LAMA5: variants seen among roughly 807,000 people sequenced by gnomAD.
The protein encoded by LAMA5 is laminin subunit alpha 5, also known as laminin subunit alpha-5.
In LAMA5, 260 loss-of-function variants were observed where a neutral mutation model predicts 433.4. That is an observed-to-expected ratio of 0.60 (90% confidence interval 0.54 to 0.66). The LOEUF (loss-of-function observed/expected upper bound fraction) is 0.66. LAMA5 is among the 30% of genes least tolerant of loss of function. The pLI, the probability that LAMA5 is intolerant of heterozygous loss-of-function variation, is 0.00. For missense variants in LAMA5, 5,378 were observed against 5,258.5 expected, an observed-to-expected ratio of 1.02 and a Z score of -0.70; for synonymous variants, 2,620 against 2,226.6, an observed-to-expected ratio of 1.18 and a Z score of -4.97.
Position 62,311,046 on chromosome 20 carries a change from G to A in LAMA5, c.10137C>T (p.Leu3379=), listed in dbSNP as rs201926192. The A allele has an allele frequency of 1.9e-6, 3 of 1,605,854 alleles. No homozygotes were observed. Among genetic ancestry groups the A allele is most frequent in the South Asian group, 2.2e-5 (2 of 90,596 alleles). The change falls in exon 74 of 80, where the codon CTC becomes CTT. Residue 3379 remains leucine (L), a synonymous_variant. Transcript: ENST00000252999. Reference sequence around the variant, plus strand: ...CGGGCCTCAGACGGGCAGTGAAGAGGAGGAGGCCTCGGGAGCTTCGCGGGA... The same window carrying A: ...CGGGCCTCAGACGGGCAGTGAAGAGAAGGAGGCCTCGGGAGCTTCGCGGGA... ...HVLPRSSRGL[L]LFTARLRPGS...
chr20:62,346,100 C>G lies in LAMA5; in HGVS notation c.1398G>C (p.Thr466=). 5 of 1,613,002 alleles carry G rather than the reference C, an allele frequency of 3.1e-6. No individual in the cohort carries two copies. Among genetic ancestry groups the G allele is most frequent in the Non-Finnish European group, 4.2e-6 (5 of 1,180,000 alleles). ...GCTCACGGTAGCAGCTTGGGAAGCC[C>G]GTGAAGCCCTCGGCACACACGTCAC... ...ERCDVCAEGF[T]GFPSCYPTPS... is the part of the protein sequence containing the mutation. The change falls in exon 10 of 80, where the codon ACG becomes ACC. Residue 466 remains threonine (T), a synonymous_variant. Transcript: ENST00000252999.
Position 62,311,070 on chromosome 20 carries a change from G to A in LAMA5, c.10113C>T (p.Leu3371=). ...RNWPSLSMHV[L]PRSSRGLLLF... is the part of the protein sequence containing the mutation. ...GGAGGAGGCCTCGGGAGCTTCGCGG[G>A]AGGACGTGCATGGAGAGACTGGGCC... The change falls in exon 74 of 80, where the codon CTC becomes CTT. Residue 3371 remains leucine (L), a synonymous_variant. Transcript: ENST00000252999. The A allele has an allele frequency of 1.3e-6, 2 of 1,594,028 alleles. No homozygotes were observed. Among genetic ancestry groups the A allele is most frequent in the Non-Finnish European group, 1.7e-6 (2 of 1,170,192 alleles).
chr20:62,327,262 G>A lies in LAMA5; in HGVS notation c.5083C>T (p.Gln1695Ter). ...VPEAFPELYW[Q>*]APPSYLGDRV... ...TCCCCCAGGTAGGAGGGTGGGGCCTGCCAGTACAGCTCGGGGAAAGCCTCG... is the reference window on the plus strand; with the variant it reads ...TCCCCCAGGTAGGAGGGTGGGGCCTACCAGTACAGCTCGGGGAAAGCCTCG... Residue 1695 changes from glutamine to a stop codon, truncating the protein, a stop_gained, in exon 38 of 80, where the codon CAG becomes TAG. Transcript: ENST00000252999. LOFTEE classifies it high-confidence loss of function. The A allele has an allele frequency of 1.3e-6, 2 of 1,548,534 alleles. No homozygotes were observed. Among genetic ancestry groups the A allele is most frequent in the Non-Finnish European group, 8.7e-7 (1 of 1,147,780 alleles).
intron 31 of LAMA5, 151 bp downstream of exon 31, chr20:62,330,337 G>T: frequency 8.6e-7 from 1 of 1,166,820 alleles, no homozygotes; most frequent in Non-Finnish European, 1.2e-6. Flanking sequence ...TAGGGGCTGC[G>T]GGCTGCAAGG....
chr20:62,339,052 T>C (rs1363402327), intron 11 of LAMA5, among the ~76,000 whole-genome samples: 1 of 132,822 alleles, frequency 7.5e-6, no homozygotes, highest in Admixed American at 7.7e-5. Context: ...AAAAAAAAAA[T>C]TCCAACAAGG....
At chr20:62,358,282 A>G (rs997918449) in intron 2 of LAMA5, among the ~76,000 whole-genome samples, 1 of 152,076 alleles carries the variant, frequency 6.6e-6, no homozygotes, top group Non-Finnish European at 1.5e-5. Flanking sequence ...TTTGCCGTCT[A>G]TCCTGTGCCA....
intron 6 of LAMA5, chr20:62,351,003 G>A (rs1984199764): frequency 6.5e-6 from 1 of 153,384 alleles, no homozygotes; most frequent in Non-Finnish European, 1.5e-5. Context: ...TGAGGACTCT[G>A]GGTGAGGCCC....
Position 62,311,495 on chromosome 20 carries a change from A to T in LAMA5, c.9848T>A (p.Leu3283Gln). Reference sequence around the variant, plus strand: ...GCCCGTGCTCACATTGACGCTGCCCAGGTTCTGCTGCAGATCAAATACGCG... The same window carrying T: ...GCCCGTGCTCACATTGACGCTGCCCTGGTTCTGCTGCAGATCAAATACGCG... ...PQRVFDLQQN[L>Q]GSVNVSTGCA... Residue 3283 changes from leucine (L) to glutamine (Q), a missense_variant, in exon 72 of 80, where the codon CTG becomes CAG. Leu to Gln is a moderately radical substitution (Grantham distance 113). Coordinates refer to ENST00000252999, the MANE Select transcript of LAMA5 (RefSeq NM_005560.6). 1 of 1,611,014 alleles carries T rather than the reference A, an allele frequency of 6.2e-7. No homozygotes were observed. Among genetic ancestry groups the T allele is most frequent in the Non-Finnish European group, 8.5e-7 (1 of 1,179,038 alleles).
chr20:62,313,062 T>G (rs1342609244), intron 65 of LAMA5, 26 bp downstream of exon 65: 2 of 1,605,424 alleles, frequency 1.2e-6, no homozygotes, highest in Admixed American at 3.3e-5. Flanking sequence ...CAAGTGGGGA[T>G]GGCAGGACGG....
At position 62,326,039 on chromosome 20, in the gene LAMA5, G is replaced by A. The variant is rs942605592; in HGVS notation, c.5299-493C>T. 5.3e-5 allele frequency among the ~76,000 whole-genome samples: 8 copies of A among 151,964 alleles called. No individual in the cohort carries two copies. The South Asian group carries it at 6.2e-4, about 12-fold the overall frequency. ...AGTTCGAGACCAGCCTGGCCAACAC[G>A]GCGAAACCCCATCTCTACTGAAAAT... On this transcript the variant is annotated intron_variant, in intron 40 of 79. Coordinates refer to ENST00000252999, the MANE Select transcript of LAMA5 (RefSeq NM_005560.6).
chr20:62,334,110 C>A (rs552574559), intron 22 of LAMA5, 71 bp from the exon 23 acceptor site: 4 of 1,585,082 alleles, frequency 2.5e-6, no homozygotes, highest in East Asian at 4.5e-5. Context: ...CTTCAAGGGG[C>A]CTGCCCACCC....
At position 62,318,442 on chromosome 20, in the gene LAMA5, C is replaced by T. The variant is rs199930758; in HGVS notation, c.7239+12G>A. 4.5e-5 allele frequency: 71 copies of T among 1,575,188 alleles called. No individual in the cohort carries two copies. Among genetic ancestry groups the T allele is most frequent in the Admixed American group, 1.1e-4 (6 of 57,080 alleles). ...AGAGGAGCAGGAGGAAGAACAAGTCCGGGGTCCTCACCAGGGCTTCCTCCA... is the reference window on the plus strand; with the variant it reads ...AGAGGAGCAGGAGGAAGAACAAGTCTGGGGTCCTCACCAGGGCTTCCTCCA... On this transcript the variant is annotated intron_variant, in intron 53 of 79. Transcript: ENST00000252999.
intron 2 of LAMA5, among the ~76,000 whole-genome samples, chr20:62,354,958 G>A (rs551164422): frequency 5.9e-5 from 9 of 152,336 alleles, no homozygotes; most frequent in East Asian, 1.9e-4. Flanking sequence ...GAGGAGGCCC[G>A]GGTGCCGGGG....
Position 62,362,571 on chromosome 20 carries a change from G to A in LAMA5, c.298-19C>T, listed in dbSNP as rs753027146. On this transcript the variant is annotated intron_variant, in intron 1 of 79. Transcript: ENST00000252999. The stretch of plus-strand genomic sequence containing the variant: ...ACTGGCCCTGCAGAGGGAACGGGAG[G>A]GTCAGATAGCCGAGAAGGGCCGGGG... 7 of 1,509,386 alleles carry A rather than the reference G, an allele frequency of 4.6e-6. No individual in the cohort carries two copies. The highest frequency in any genetic ancestry group is 6.2e-6 in the Non-Finnish European group (7 of 1,123,242). The allele number at this position is 1,509,386 out of a possible 1,614,324, so 93.5% of individuals were successfully genotyped here.
Position 62,316,954 on chromosome 20 carries a change from G to A in LAMA5, c.7581C>T (p.Arg2527=), listed in dbSNP as rs147880067. The change falls in exon 56 of 80, where the codon CGC becomes CGT. Residue 2527 remains arginine (R), a synonymous_variant. Coordinates refer to ENST00000252999, the MANE Select transcript of LAMA5 (RefSeq NM_005560.6). The part of the protein sequence containing the change: ...RAIEASNAYS[R]ILQAVQAAED... ...CGGCAGCCTGCACGGCCTGCAGGAT[G>A]CGGCTGTAGGCGTTGGAGGCCTCGA... 4.2e-5 allele frequency: 66 copies of A among 1,568,658 alleles called. No homozygotes were observed. The African/African-American group carries it at 7.6e-4, about 18-fold the overall frequency.
intron 11 of LAMA5, chr20:62,342,086 T>C (rs1477704178): frequency 6.4e-6 from 1 of 156,300 alleles, no homozygotes; most frequent in Admixed American, 6.6e-5. Flanking sequence ...GTGGATCACT[T>C]GTGGTCAGAG....
At chr20:62,354,734 G>A (rs914973013) in intron 2 of LAMA5, among the ~76,000 whole-genome samples, 31 of 152,088 alleles carry the variant, frequency 2.0e-4, no homozygotes, top group Admixed American at 6.5e-4. Context: ...GCTCCCACCC[G>A]CCATAGCCTC....
At chr20:62,356,272 T>A (rs555757521) in intron 2 of LAMA5, 2 of 152,488 alleles carry the variant, frequency 1.3e-5, no homozygotes, top group South Asian at 4.2e-4. Flanking sequence ...GCTGGAGGAC[T>A]CCCATCTGTC....
Position 62,325,416 on chromosome 20 carries a change from C to T in LAMA5, c.5429G>A (p.Arg1810Lys), listed in dbSNP as rs1260516287. The T allele has an allele frequency of 1.2e-6, 2 of 1,612,234 alleles. No homozygotes were observed. The highest frequency in any genetic ancestry group is 1.7e-6 in the Non-Finnish European group (2 of 1,179,488). ...SQISSAVFLRRVALEVASPAG... is the reference protein window; with the variant it reads ...SQISSAVFLRKVALEVASPAG... ...TGGGCTGGCCACCTCCAGTGCCACC[C>T]TGCGCAGGAAGACAGCCGAGGAGAT... is the stretch of plus-strand genomic sequence containing the variant. The change falls in exon 41 of 80, where the codon AGG (arginine) becomes AAG (lysine). Residue 1810 changes from arginine to lysine, a missense_variant. By Grantham distance (26) the Arg-to-Lys change is conservative. Transcript: ENST00000252999.
Sources: gnomAD v4.1 joint callset for allele counts (sites outside exome capture counted in the v4.1 genomes callset) on GRCh38, gnomAD v4.1.1 for gene constraint, MANE v1.5 for transcripts, NCBI Gene and HGNC (gene_info 2026-07-23, HGNC 2026-07-21) for gene names.